MYH14: variants seen among roughly 807,000 people sequenced by gnomAD.
MYH14 encodes myosin heavy chain 14, also known as myosin-14.
A neutral mutation model predicts 255.5 loss-of-function variants in MYH14; 123 were observed. The ratio of observed to expected loss-of-function variants is 0.48; its 90% confidence interval spans 0.42 to 0.56. MYH14 has a LOEUF of 0.56. MYH14 is among the 20% of genes least tolerant of loss of function. The pLI, the probability that MYH14 is intolerant of heterozygous loss-of-function variation, is 0.00. For synonymous variants in MYH14, 1,095 were observed against 1,161.2 expected (o/e 0.94, Z 1.16); for missense variants, 2,423 against 2,802.3 (o/e 0.86, Z 3.06).
chr19:50,281,602 G>A lies in MYH14; in HGVS notation c.4299G>A (p.Glu1433=). The A allele has an allele frequency of 6.3e-7, 1 of 1,587,520 alleles. No individual in the cohort carries two copies. The highest frequency in any genetic ancestry group is 2.2e-5 in the East Asian group (1 of 44,520). ...ELQTAQAQLS[E]WRRRQEEEAG... ...CTCTCTCCTCCCCTCAGCTTTCCGA[G>A]TGGCGGCGGCGCCAGGAGGAGGAGG... The change falls in exon 33 of 43, where the codon GAG becomes GAA. Residue 1433 remains glutamate (E), a synonymous_variant. Transcript: ENST00000642316.
At chr19:50,228,614 C>T (rs7249629) in intron 8 of MYH14, among the ~76,000 whole-genome samples, 41,545 of 152,100 alleles carry the variant, frequency 0.27, 6,266 homozygotes, top group East Asian at 0.33. Flanking sequence ...TCCTCCAGGT[C>T]CTCTTGCCCT....
At chr19:50,303,945 T>A (rs1394236186) in intron 40 of MYH14, among the ~76,000 whole-genome samples, 1 of 152,238 alleles carries the variant, frequency 6.6e-6, no homozygotes, top group Non-Finnish European at 1.5e-5. Context: ...CTAAGCCTAA[T>A]ACCTTTCACT....
rs561222306 is a variant in MYH14, at chr19:50,250,240, A to G, written c.1657-275A>G. On this transcript the variant is annotated intron_variant, in intron 14 of 42. Transcript: ENST00000642316. The surrounding 1 kb of genome is among the most constrained non-coding windows in gnomAD (Gnocchi z 5.4). ...CTCAGCCTCCCGAGTAGCTGGGACT[A>G]CAGGTGCCCGCCACCACGCCCGGCT... Among the ~76,000 whole-genome samples the G allele has an allele frequency of 7.5e-6, 1 of 132,628 alleles. No individual in the cohort carries two copies. Among genetic ancestry groups the G allele is most frequent in the South Asian group, 2.2e-4 (1 of 4,502 alleles). The allele number at this position is 132,628 out of a possible 152,430, so 87.0% of individuals were successfully genotyped here.
At position 50,309,193 on chromosome 19, in the gene MYH14, G is replaced by C. The variant is rs369915943; in HGVS notation, c.5960+16G>C. On this transcript the variant is annotated intron_variant, in intron 42 of 42. Coordinates refer to ENST00000642316, the MANE Select transcript of MYH14 (RefSeq NM_001145809.2). ...ACCGGCTTCGGTATGGTCATCCCACGTACAGGCCTGACGGGTGGGGAGCAC... is the reference window on the plus strand; with the variant it reads ...ACCGGCTTCGGTATGGTCATCCCACCTACAGGCCTGACGGGTGGGGAGCAC... The C allele has an allele frequency of 5.0e-6, 8 of 1,613,064 alleles. No individual in the cohort carries two copies. In the African/African-American group the frequency reaches 6.7e-5, roughly 13 times the overall value.
At chr19:50,233,207 T>C (rs1266391209) in intron 10 of MYH14, among the ~76,000 whole-genome samples, 1 of 152,078 alleles carries the variant, frequency 6.6e-6, no homozygotes, top group East Asian at 1.9e-4. Flanking sequence ...TCTCACTCTG[T>C]TACCCAGGCT....
chr19:50,230,997 C>T lies in MYH14; in HGVS notation c.973+374C>T, dbSNP rs147247277. 1.5e-3 allele frequency: 415 copies of T among 269,816 alleles called. No homozygotes were observed. The highest frequency in any genetic ancestry group is 2.3e-3 in the Non-Finnish European group (318 of 137,234). 16.7% of individuals were successfully genotyped at this position (269,816 alleles called of 1,614,324 possible). A position where few individuals can be genotyped will look rare whatever the true frequency, so the allele number is the denominator to read the frequency against. On this transcript the variant is annotated intron_variant, in intron 9 of 42. Coordinates refer to ENST00000642316, the MANE Select transcript of MYH14 (RefSeq NM_001145809.2). This position sits in a 1 kb window ranked among gnomAD's most constrained non-coding sequence, Gnocchi z 4.7. The stretch of plus-strand genomic sequence containing the variant: ...AGGCTCCTCCTGGTTCCTGACGACG[C>T]TGGTTTGTGTTGCTTCTCGGCTCGT...
At chr19:50,309,411 C>A in intron 42 of MYH14, 1 of 613,870 alleles carries the variant, frequency 1.6e-6, no homozygotes, top group Non-Finnish European at 2.9e-6. Context: ...TGCACCACCA[C>A]CTTTCTCTCC....
At position 50,293,424 on chromosome 19, in the gene MYH14, G is replaced by A; in HGVS notation, c.5345+103G>A. Reference sequence around the variant, plus strand: ...GCTCTGGGACAGGAAACTGGGAGGTGGGCGGGGTTAACCTCGGGGCCCCTG... The same window carrying A: ...GCTCTGGGACAGGAAACTGGGAGGTAGGCGGGGTTAACCTCGGGGCCCCTG... On this transcript the variant is annotated intron_variant, in intron 38 of 42. Transcript: ENST00000642316. This position sits in a 1 kb window ranked among gnomAD's most constrained non-coding sequence, Gnocchi z 4.1. 6.6e-7 allele frequency: 1 copy of A among 1,514,912 alleles called. No homozygotes were observed. Among genetic ancestry groups the A allele is most frequent in the Non-Finnish European group, 9.0e-7 (1 of 1,112,240 alleles). The allele number at this position is 1,514,912 out of a possible 1,614,324, so 93.8% of individuals were successfully genotyped here. A position where few individuals can be genotyped will look rare whatever the true frequency, so the allele number is the denominator to read the frequency against.
rs1375911309 is a variant in MYH14 at position 50,255,311 on chromosome 19, GC to G, written c.2039del (p.Pro680GlnfsTer12). On this transcript the variant is annotated frameshift_variant, in exon 17 of 43. Coordinates refer to ENST00000642316, the MANE Select transcript of MYH14 (RefSeq NM_001145809.2). LOFTEE classifies it high-confidence loss of function. ...AERCSSAISP[P>X]GVEGIVGLEQ... ...AGAGGTGCAGCTCTGCTATTTCTCCGCCAGGGGGTGGGTGTCTCTGTGCATC... is the reference window on the plus strand; with the variant it reads ...AGAGGTGCAGCTCTGCTATTTCTCCGCAGGGGGTGGGTGTCTCTGTGCATC... 41 of 1,550,600 alleles carry G rather than the reference GC, an allele frequency of 2.6e-5. No homozygotes were observed. The highest frequency in any genetic ancestry group is 3.5e-5 in the Non-Finnish European group (40 of 1,146,742).
At chr19:50,286,255 C>A (rs2035884503) in intron 33 of MYH14, 3 of 436,398 alleles carry the variant, frequency 6.9e-6, no homozygotes, top group African/African-American at 5.8e-5. Flanking sequence ...GCCCTTTCTT[C>A]TGTTGAACAT....
chr19:50,209,896 G>A (rs1040266507), intron 1 of MYH14, among the ~76,000 whole-genome samples: 1 of 151,290 alleles, frequency 6.6e-6, no homozygotes, highest in Non-Finnish European at 1.5e-5. Context: ...TCAGGAGTTC[G>A]AGACCAGCCT....
rs775998558 is a variant in MYH14 at position 50,271,988 on chromosome 19, G to A, written c.3295+16G>A. On this transcript the variant is annotated intron_variant, in intron 26 of 42. Transcript: ENST00000642316. ...GACATGGAGGGTGAGCTCCCGCCCA[G>A]CCAGTAGGGGTCTGTGTGTGCTCTA... 1 of 1,604,536 alleles carries A rather than the reference G, an allele frequency of 6.2e-7. No individual in the cohort carries two copies. The highest frequency in any genetic ancestry group is 8.5e-7 in the Non-Finnish European group (1 of 1,175,772).
At chr19:50,296,464 G>T (rs567806135) in intron 39 of MYH14, among the ~76,000 whole-genome samples, 3 of 152,098 alleles carry the variant, frequency 2.0e-5, no homozygotes, top group African/African-American at 7.2e-5. Flanking sequence ...AATTAGCCAG[G>T]TGCGATGGCG....
At chr19:50,223,387 C>T in intron 5 of MYH14, 38 bp downstream of exon 5, 5 of 1,329,960 alleles carry the variant, frequency 3.8e-6, no homozygotes, top group Non-Finnish European at 5.3e-6. Context: ...CGGGCCCTGC[C>T]ACAGCACTGC....
intron 33 of MYH14, among the ~76,000 whole-genome samples, chr19:50,284,599 C>T (rs2035830898): frequency 6.6e-6 from 1 of 151,538 alleles, no homozygotes; most frequent in South Asian, 2.1e-4. Flanking sequence ...ACTATGTTGG[C>T]CAGGCTAGTC....
chr19:50,234,428 G>A lies in MYH14; in HGVS notation c.1114+2358G>A, dbSNP rs1001248144. ...GTCTGATTGTCTTCTGGTCTCTGGC[G>A]CTGTGGGAGGCCCCAGGAGCTATTG... On this transcript the variant is annotated intron_variant, in intron 10 of 42. Transcript: ENST00000642316. 2.6e-5 allele frequency among the ~76,000 whole-genome samples: 4 copies of A among 152,152 alleles called. No homozygotes were observed. The East Asian group carries it at 5.8e-4, about 22-fold the overall frequency.
intron 33 of MYH14, 103 bp downstream of exon 33, chr19:50,281,945 G>T: frequency 7.8e-7 from 1 of 1,289,042 alleles, no homozygotes; most frequent in South Asian, 1.4e-5. Flanking sequence ...GGCTCAACTA[G>T]GCAGTTGTAG....
At chr19:50,292,207 T>G in intron 36 of MYH14, 54 bp from the exon 37 acceptor site, 5 of 1,490,296 alleles carry the variant, frequency 3.4e-6, no homozygotes, top group Admixed American at 2.4e-5. Context: ...GGTGGAGGAG[T>G]TCCCTGTGCT....
chr19:50,270,097 G>A (rs12609824), intron 24 of MYH14, among the ~76,000 whole-genome samples: 18,007 of 152,130 alleles, frequency 0.12, 1,170 homozygotes, highest in East Asian at 0.23. Flanking sequence ...ACACACCTGT[G>A]GTGTTGTCAC....
Sources: allele counts gnomAD v4.1 joint callset (sites outside exome capture counted in the v4.1 genomes callset), GRCh38; gene constraint gnomAD v4.1.1; non-coding constraint Gnocchi (gnomAD v3.1); transcripts MANE v1.5; gene names NCBI Gene and HGNC (gene_info 2026-07-23, HGNC 2026-07-21).